Variants in EXOC6B observed in about 807,000 individuals in gnomAD.
The protein encoded by EXOC6B is exocyst complex component 6B, also known as SEC15 homolog B.
EXOC6B carries 54 observed loss-of-function variants against 113.5 expected under a neutral mutation model. That is an observed-to-expected ratio of 0.48 (90% confidence interval 0.38 to 0.60). EXOC6B has a LOEUF of 0.60. Ranked by LOEUF, EXOC6B falls within the 20% of genes least tolerant of loss-of-function variation. EXOC6B has a pLI of 0.00. For missense variants in EXOC6B, 797 were observed against 977.5 expected (o/e 0.82, Z 2.46); for synonymous variants, 357 against 339.0 (o/e 1.05, Z -0.58).
chr2:72,188,649 T>G (rs886234353), intron 20 of EXOC6B, among the ~76,000 whole-genome samples: 18 of 152,202 alleles, frequency 1.2e-4, no homozygotes, highest in African/African-American at 4.1e-4. Context: ...ACTTTCAAGG[T>G]CAATCAGACC....
chr2:72,613,578 G>T (rs1671207129), intron 6 of EXOC6B, among the ~76,000 whole-genome samples: 2 of 151,884 alleles, frequency 1.3e-5, no homozygotes, highest in South Asian at 2.1e-4. Context: ...AATAAGGAAT[G>T]GTTTGCCATT....
Position 72,388,099 on chromosome 2 carries a change from G to C in EXOC6B, c.1981-8229C>G, listed in dbSNP as rs368824998. Among the ~76,000 whole-genome samples the C allele has an allele frequency of 1.4e-4, 21 of 152,206 alleles. No individual in the cohort carries two copies. In the East Asian group the frequency reaches 1.5e-3, roughly 11 times the overall value. ...GGAGAAACGCTACTGGCATATCATG[G>C]GTAGAGGCCAGGGATACTGATAAAC... is the stretch of plus-strand genomic sequence containing the variant. On this transcript the variant is annotated intron_variant, in intron 18 of 21. Coordinates refer to ENST00000272427, the MANE Select transcript of EXOC6B (RefSeq NM_015189.3).
intron 17 of EXOC6B, among the ~76,000 whole-genome samples, chr2:72,478,525 T>C (rs1281452917): frequency 6.6e-6 from 1 of 152,222 alleles, no homozygotes; most frequent in Non-Finnish European, 1.5e-5. Flanking sequence ...ATTTTCAGTG[T>C]GTTTTAAGCA....
intron 6 of EXOC6B, among the ~76,000 whole-genome samples, chr2:72,705,982 C>G (rs1368083175): frequency 6.6e-6 from 1 of 152,136 alleles, no homozygotes; most frequent in African/African-American, 2.4e-5. Flanking sequence ...ACTTCATTAT[C>G]AATGACCAGA....
At chr2:72,636,732 T>C (rs1187044170) in intron 6 of EXOC6B, among the ~76,000 whole-genome samples, 2 of 152,172 alleles carry the variant, frequency 1.3e-5, no homozygotes, top group African/African-American at 2.4e-5. Flanking sequence ...GGTTAAAGGC[T>C]GAATATTTTC....
intron 20 of EXOC6B, among the ~76,000 whole-genome samples, chr2:72,257,341 A>G (rs1455253680): frequency 3.9e-5 from 6 of 152,224 alleles, no homozygotes; most frequent in African/African-American, 1.4e-4. Context: ...TGCTTAGGTT[A>G]TCTTCTTGGC....
intron 18 of EXOC6B, among the ~76,000 whole-genome samples, chr2:72,459,517 C>A (rs956072254): frequency 1.3e-5 from 2 of 152,134 alleles, no homozygotes; most frequent in African/African-American, 4.8e-5. Flanking sequence ...TCTCAGGATA[C>A]AAAATCAATG....
At chr2:72,374,250 A>G (rs1043129704) in intron 19 of EXOC6B, among the ~76,000 whole-genome samples, 2 of 152,196 alleles carry the variant, frequency 1.3e-5, no homozygotes, top group Non-Finnish European at 2.9e-5. Context: ...TTGTTGCAGC[A>G]CCATTCACGA....
At chr2:72,782,378 T>C (rs1263383360) in intron 1 of EXOC6B, among the ~76,000 whole-genome samples, 2 of 152,162 alleles carry the variant, frequency 1.3e-5, no homozygotes, top group African/African-American at 4.8e-5. Flanking sequence ...CCTTTTCTTT[T>C]TTATTTTTTA....
At chr2:72,766,520 C>A (rs946365221) in intron 1 of EXOC6B, among the ~76,000 whole-genome samples, 1 of 151,924 alleles carries the variant, frequency 6.6e-6, no homozygotes, top group Admixed American at 6.6e-5. Flanking sequence ...AGGAAAAGAA[C>A]AAAACACATG....
intron 19 of EXOC6B, among the ~76,000 whole-genome samples, chr2:72,344,622 T>C (rs1324999803): frequency 6.6e-6 from 1 of 152,152 alleles, no homozygotes; most frequent in Non-Finnish European, 1.5e-5. Flanking sequence ...GATTGTTTTG[T>C]TGATTGTTAT....
chr2:72,515,390 T>C, intron 8 of EXOC6B: 3 of 1,191,718 alleles, frequency 2.5e-6, no homozygotes, highest in Non-Finnish European at 3.2e-6. Context: ...CAAAGCTGGT[T>C]TCTGAATCAA....
intron 6 of EXOC6B, among the ~76,000 whole-genome samples, chr2:72,663,628 T>G (rs988585827): frequency 6.6e-6 from 1 of 152,080 alleles, no homozygotes; most frequent in Non-Finnish European, 1.5e-5. Context: ...TGATTCCAAA[T>G]GTATTACATT....
chr2:72,372,202 C>A (rs547058926), intron 19 of EXOC6B, among the ~76,000 whole-genome samples: 22 of 152,304 alleles, frequency 1.4e-4, no homozygotes, highest in Admixed American at 2.0e-4. Context: ...ATTGCATGGT[C>A]ATGGATTGGA....
chr2:72,735,150 C>A (rs986050657), intron 2 of EXOC6B, among the ~76,000 whole-genome samples: 1 of 152,156 alleles, frequency 6.6e-6, no homozygotes, highest in Non-Finnish European at 1.5e-5. Flanking sequence ...TATTTTTTAT[C>A]CTAAACTGGA....
At chr2:72,742,233 GT>G in intron 1 of EXOC6B, among the ~76,000 whole-genome samples, 1 of 152,104 alleles carries the variant, frequency 6.6e-6, no homozygotes, top group South Asian at 2.1e-4. Context: ...ATTCCTGCAA[GT>G]TTTCCCATTT....
chr2:72,459,143 C>A (rs1235322917), intron 18 of EXOC6B, among the ~76,000 whole-genome samples: 1 of 152,126 alleles, frequency 6.6e-6, no homozygotes, highest in Admixed American at 6.6e-5. Flanking sequence ...AGGCCTTTGA[C>A]AAAATTCAAC....
intron 8 of EXOC6B, among the ~76,000 whole-genome samples, chr2:72,524,039 A>G (rs1416172363): frequency 6.6e-6 from 1 of 151,914 alleles, no homozygotes; most frequent in Non-Finnish European, 1.5e-5. Flanking sequence ...TACAGGAAGC[A>G]ATATTTCCAC....
chr2:72,502,287 C>T (rs1484101001), intron 11 of EXOC6B, among the ~76,000 whole-genome samples: 1 of 152,078 alleles, frequency 6.6e-6, no homozygotes, highest in Non-Finnish European at 1.5e-5. Context: ...GTGGCTCACG[C>T]CTGTAATCCT....
Sources: gnomAD v4.1 joint callset for allele counts (sites outside exome capture counted in the v4.1 genomes callset) on GRCh38, gnomAD v4.1.1 for gene constraint, MANE v1.5 for transcripts, NCBI Gene and HGNC (gene_info 2026-07-23, HGNC 2026-07-21) for gene names.